Variants in SPAG16 observed in about 807,000 individuals in gnomAD.
SPAG16 encodes sperm-associated antigen 16 protein.
SPAG16 carries 86 observed loss-of-function variants against 80.4 expected under a neutral mutation model. The observed-to-expected ratio is 1.07, with a 90% CI of 0.90 to 1.28. SPAG16 has a LOEUF of 1.28. SPAG16 is among the 50% of genes most tolerant of loss of function. SPAG16 has a pLI of 0.00. For synonymous variants in SPAG16, 294 were observed against 265.9 expected (o/e 1.11, Z -1.03); for missense variants, 870 against 765.3 (o/e 1.14, Z -1.61).
chr2:213,707,495 C>G (rs2065808530), intron 10 of SPAG16, among the ~76,000 whole-genome samples: 1 of 152,128 alleles, frequency 6.6e-6, no homozygotes, highest in Non-Finnish European at 1.5e-5. Flanking sequence ...CCCCTAACAT[C>G]TTGTCTGTCT....
chr2:214,391,860 A>T (rs1701099234), intron 15 of SPAG16, among the ~76,000 whole-genome samples: 1 of 152,190 alleles, frequency 6.6e-6, no homozygotes, highest in African/African-American at 2.4e-5. Flanking sequence ...CAACCAGGCA[A>T]CTGGTTCTAT....
At position 214,212,731 on chromosome 2, in the gene SPAG16, G is replaced by C. The variant is rs148632323; in HGVS notation, c.1720+63465G>C. ...CTTTCTATTTTTCATCCCTTCGATA[G>C]ATGAACCAAAAAAGTCTTTCTTTTC... On this transcript the variant is annotated intron_variant, in intron 15 of 15. Transcript: ENST00000331683. 2.0e-4 allele frequency among the ~76,000 whole-genome samples: 31 copies of C among 152,300 alleles called. No homozygotes were observed. The East Asian group carries it at 6.0e-3, about 29-fold the overall frequency.
intron 9 of SPAG16, among the ~76,000 whole-genome samples, chr2:213,475,934 G>A (rs1237475482): frequency 6.6e-6 from 1 of 152,192 alleles, no homozygotes; most frequent in Non-Finnish European, 1.5e-5. Context: ...CTGACATGGT[G>A]GGAAAAGAAA....
chr2:213,448,298 G>C (rs185637799), intron 9 of SPAG16, among the ~76,000 whole-genome samples: 1 of 152,296 alleles, frequency 6.6e-6, no homozygotes, highest in Non-Finnish European at 1.5e-5. Context: ...ACACTTGCTG[G>C]GAAGGGAAGA....
rs917680432 is a variant in SPAG16, at chr2:214,265,309, CAGT to C, written c.1720+116048_1720+116050del. Among the ~76,000 whole-genome samples the C allele has an allele frequency of 7.2e-4, 110 of 152,086 alleles. 1 individual carries two copies. Among genetic ancestry groups the C allele is most frequent in the African/African-American group, 2.4e-3 (100 of 41,534 alleles). On this transcript the variant is annotated intron_variant, in intron 15 of 15. Transcript: ENST00000331683. ...GATTTTGGCCATTCTAATCAGTGTA[CAGT>C]AGTATCTCATTGTTGTTTTAATTTG...
intron 12 of SPAG16, among the ~76,000 whole-genome samples, chr2:213,966,680 C>G (rs929585263): frequency 6.6e-6 from 1 of 152,108 alleles, no homozygotes; most frequent in Admixed American, 6.6e-5. Context: ...ATAATTAGAG[C>G]AATAATCCTT....
At chr2:213,718,457 A>G (rs1454690478) in intron 10 of SPAG16, among the ~76,000 whole-genome samples, 2 of 152,158 alleles carry the variant, frequency 1.3e-5, no homozygotes, top group Non-Finnish European at 2.9e-5. Context: ...CCAAGGCTGG[A>G]GCCCACTCCC....
intron 9 of SPAG16, among the ~76,000 whole-genome samples, chr2:213,467,775 G>A (rs375900162): frequency 1.4e-3 from 207 of 152,338 alleles, no homozygotes; most frequent in South Asian, 3.5e-3. Context: ...CATCTCTGGG[G>A]ACAGTCCACC....
At chr2:214,144,676 T>A (rs1231124885) in intron 14 of SPAG16, among the ~76,000 whole-genome samples, 4 of 152,120 alleles carry the variant, frequency 2.6e-5, no homozygotes, top group African/African-American at 9.7e-5. Context: ...ATATATTCTA[T>A]TGTTCAGCCT....
At chr2:213,708,032 C>T (rs1242167624) in intron 10 of SPAG16, among the ~76,000 whole-genome samples, 1 of 152,150 alleles carries the variant, frequency 6.6e-6, no homozygotes, top group African/African-American at 2.4e-5. Flanking sequence ...TTCTACCAAA[C>T]TATTTTTTTC....
At chr2:214,270,550 T>G (rs1044058937) in intron 15 of SPAG16, among the ~76,000 whole-genome samples, 1 of 152,282 alleles carries the variant, frequency 6.6e-6, no homozygotes, top group African/African-American at 2.4e-5. Context: ...ATGATATGGC[T>G]CCTGACTACA....
chr2:213,354,554 T>C (rs954510936), intron 7 of SPAG16, among the ~76,000 whole-genome samples: 1 of 152,200 alleles, frequency 6.6e-6, no homozygotes, highest in African/African-American at 2.4e-5. Context: ...ATCTGTTGTT[T>C]CCTGACTTTT....
At chr2:214,057,935 T>C (rs557349702) in intron 13 of SPAG16, among the ~76,000 whole-genome samples, 3 of 152,174 alleles carry the variant, frequency 2.0e-5, no homozygotes, top group South Asian at 4.1e-4. Context: ...TTTTTTTTTT[T>C]CCTCTCTCAG....
At chr2:213,622,722 G>T (rs1397080570) in intron 10 of SPAG16, among the ~76,000 whole-genome samples, 1 of 152,090 alleles carries the variant, frequency 6.6e-6, no homozygotes, top group Admixed American at 6.6e-5. Context: ...CTGATTGCAT[G>T]ATATAAAATC....
chr2:213,995,013 G>A (rs1316404936), intron 12 of SPAG16, among the ~76,000 whole-genome samples: 1 of 152,110 alleles, frequency 6.6e-6, no homozygotes, highest in African/African-American at 2.4e-5. Context: ...ATTGTATTTT[G>A]AAGGTAAATA....
At chr2:213,676,330 A>G (rs1005574637) in intron 10 of SPAG16, among the ~76,000 whole-genome samples, 3 of 152,114 alleles carry the variant, frequency 2.0e-5, no homozygotes, top group Non-Finnish European at 4.4e-5. Flanking sequence ...GTCTGCAAAC[A>G]GGGACAATTT....
At chr2:214,021,272 G>A (rs993750286) in intron 13 of SPAG16, among the ~76,000 whole-genome samples, 3 of 152,156 alleles carry the variant, frequency 2.0e-5, no homozygotes, top group Non-Finnish European at 4.4e-5. Flanking sequence ...CAAAGGACTA[G>A]TGTATTAATC....
chr2:214,057,814 A>G (rs2125161509), intron 13 of SPAG16, among the ~76,000 whole-genome samples: 1 of 152,302 alleles, frequency 6.6e-6, no homozygotes, highest in East Asian at 1.9e-4. Context: ...ACTTGCTGCA[A>G]CTTCTACATC....
At chr2:213,475,393 A>G (rs2073317562) in intron 9 of SPAG16, among the ~76,000 whole-genome samples, 1 of 152,140 alleles carries the variant, frequency 6.6e-6, no homozygotes, top group Non-Finnish European at 1.5e-5. Context: ...TTTTTCTTCA[A>G]AGTCTGAGGG....
Sources: gnomAD v4.1 joint callset for allele counts (sites outside exome capture counted in the v4.1 genomes callset) on GRCh38, gnomAD v4.1.1 for gene constraint, MANE v1.5 for transcripts, NCBI Gene and HGNC (gene_info 2026-07-23, HGNC 2026-07-21) for gene names.